Variants in AGAP1 observed in about 807,000 individuals in gnomAD.
The protein encoded by AGAP1 is ArfGAP with GTPase domain, ankyrin repeat and PH domain 1.
AGAP1 carries 29 observed loss-of-function variants against 105.3 expected under a neutral mutation model. That is an observed-to-expected ratio of 0.28 (90% CI 0.21 to 0.38). The LOEUF is 0.38. Ranked by LOEUF, AGAP1 falls within the 10% of genes least tolerant of loss-of-function variation. The pLI is 1.00. For missense variants in AGAP1, 998 were observed against 1,165.1 expected (o/e 0.86, Z 2.09); for synonymous variants, 509 against 485.9 (o/e 1.05, Z -0.63).
In AGAP1 at chr2:236,120,410, G is replaced by T. The variant is rs768800981; in HGVS notation, c.2333G>T (p.Arg778Leu). 1.2e-6 allele frequency: 2 copies of T among 1,611,384 alleles called. No individual in the cohort carries two copies. Among genetic ancestry groups the T allele is most frequent in the African/African-American group, 2.7e-5 (2 of 74,896 alleles). Residue 778 changes from arginine (R) to leucine (L), a missense_variant, in exon 17 of 18, where the codon CGC becomes CTC. Coordinates refer to ENST00000304032, the MANE Select transcript of AGAP1 (RefSeq NM_001037131.3). This position sits in a 1 kb window ranked among gnomAD's most constrained non-coding sequence, Gnocchi z 6.0. ...CGCACGGCGCTGCATCTGGCCTGCCGCAAGGGGAATGTGGTCCTGGCGCAG... is the reference window on the plus strand; with the variant it reads ...CGCACGGCGCTGCATCTGGCCTGCCTCAAGGGGAATGTGGTCCTGGCGCAG... ...DGRTALHLAC[R>L]KGNVVLAQLL...
intron 1 of AGAP1, among the ~76,000 whole-genome samples, chr2:235,584,534 G>A (rs999262843): frequency 5.3e-5 from 8 of 150,356 alleles, no homozygotes; most frequent in African/African-American, 2.0e-4. Flanking sequence ...GGTTGTGACA[G>A]CAACACGCAG....
At chr2:235,594,481 G>A (rs1945452916) in intron 1 of AGAP1, among the ~76,000 whole-genome samples, 1 of 151,908 alleles carries the variant, frequency 6.6e-6, no homozygotes, top group Non-Finnish European at 1.5e-5. Flanking sequence ...TTCCTCTGAT[G>A]GGTAGAGCAT....
In AGAP1 at chr2:235,620,868, C is replaced by T. The variant is rs115100323; in HGVS notation, c.164-88311C>T. On this transcript the variant is annotated intron_variant, in intron 1 of 17. Coordinates refer to ENST00000304032, the MANE Select transcript of AGAP1 (RefSeq NM_001037131.3). This position sits in a 1 kb window ranked among gnomAD's most constrained non-coding sequence, Gnocchi z 4.5. ...GTTGTGGGAAGTAATTCCTGAATTGCAGCCCTACAGCTTTTATTGGTGACA... is the reference window on the plus strand; with the variant it reads ...GTTGTGGGAAGTAATTCCTGAATTGTAGCCCTACAGCTTTTATTGGTGACA... 4.9e-4 allele frequency among the ~76,000 whole-genome samples: 74 copies of T among 152,302 alleles called. No individual in the cohort carries two copies. The highest frequency in any genetic ancestry group is 3.4e-3 in the Middle Eastern group (1 of 294).
At position 236,095,319 on chromosome 2, in the gene AGAP1, C is replaced by T. The variant is rs2059166120; in HGVS notation, c.2115-24873C>T. Among the ~76,000 whole-genome samples the T allele has an allele frequency of 6.6e-6, 1 of 152,064 alleles. No homozygotes were observed. The highest frequency in any genetic ancestry group is 2.4e-5 in the African/African-American group (1 of 41,392). ...GGCTGAGGTGGGAGGATCACTGGAG[C>T]CCAGGAAGTCAAGGCTGCAGTGAGC... is the stretch of plus-strand genomic sequence containing the variant. On this transcript the variant is annotated intron_variant, in intron 16 of 17. Transcript: ENST00000304032. The surrounding 1 kb of genome is among the most constrained non-coding windows in gnomAD (Gnocchi z 4.1).
chr2:235,882,078 T>G lies in AGAP1; in HGVS notation c.1051-1267T>G, dbSNP rs1470847137. 1.3e-5 allele frequency among the ~76,000 whole-genome samples: 2 copies of G among 152,042 alleles called. No homozygotes were observed. The highest frequency in any genetic ancestry group is 6.6e-5 in the Admixed American group (1 of 15,248). ...TTTTGTTTTGTTTTGTTTTGGTGGG[T>G]TTTTTTGTGTTTGGTTGTTTTTGTT... is the stretch of plus-strand genomic sequence containing the variant. On this transcript the variant is annotated intron_variant, in intron 9 of 17. Transcript: ENST00000304032. The surrounding 1 kb of genome is among the most constrained non-coding windows in gnomAD (Gnocchi z 4.6).
chr2:235,535,372 G>C lies in AGAP1; in HGVS notation c.163+40523G>C. On this transcript the variant is annotated intron_variant, in intron 1 of 17. Coordinates refer to ENST00000304032, the MANE Select transcript of AGAP1 (RefSeq NM_001037131.3). The surrounding 1 kb of genome is among the most constrained non-coding windows in gnomAD (Gnocchi z 5.1). ...AGCAAGTTTATTGAAGAGGGTGTGA[G>C]GTCGCGGCGCCTGACCCTCATTATG... Among the ~76,000 whole-genome samples the C allele has an allele frequency of 6.6e-6, 1 of 152,122 alleles. No homozygotes were observed. The highest frequency in any genetic ancestry group is 6.5e-5 in the Admixed American group (1 of 15,272).
Position 235,559,802 on chromosome 2 carries a change from A to C in AGAP1, c.163+64953A>C, listed in dbSNP as rs1944089660. ...TTATATATTTGTATATCTTAGGAGA[A>C]ATACCTATTCAAATCTTTTGACTGT... On this transcript the variant is annotated intron_variant, in intron 1 of 17. Coordinates refer to ENST00000304032, the MANE Select transcript of AGAP1 (RefSeq NM_001037131.3). This position sits in a 1 kb window ranked among gnomAD's most constrained non-coding sequence, Gnocchi z 5.7. Among the ~76,000 whole-genome samples, 1 of 152,072 alleles carries C rather than the reference A, an allele frequency of 6.6e-6. No individual in the cohort carries two copies. Among genetic ancestry groups the C allele is most frequent in the Non-Finnish European group, 1.5e-5 (1 of 68,024 alleles).
chr2:235,672,963 T>G (rs948193919), intron 1 of AGAP1, among the ~76,000 whole-genome samples: 2 of 152,170 alleles, frequency 1.3e-5, no homozygotes, highest in African/African-American at 4.8e-5. Flanking sequence ...GTCTGAGACA[T>G]GATATTACCA....
intron 1 of AGAP1, among the ~76,000 whole-genome samples, chr2:235,538,888 T>G: frequency 6.6e-6 from 1 of 150,604 alleles, no homozygotes; most frequent in East Asian, 2.0e-4. Context: ...GAAAAAGGAT[T>G]TTTGAACCTG....
At chr2:235,812,030 C>T (rs915891960) in intron 9 of AGAP1, among the ~76,000 whole-genome samples, 11 of 152,132 alleles carry the variant, frequency 7.2e-5, no homozygotes, top group African/African-American at 1.7e-4. Flanking sequence ...CACTCTGGTC[C>T]GTCCTCTGCG....
At position 236,128,190 on chromosome 2, in the gene AGAP1, A is replaced by T. The variant is rs1165731531; in HGVS notation, c.*4068A>T. On this transcript the variant is annotated 3_prime_UTR_variant, in exon 18 of 18. Coordinates refer to ENST00000304032, the MANE Select transcript of AGAP1 (RefSeq NM_001037131.3). The surrounding 1 kb of genome is among the most constrained non-coding windows in gnomAD (Gnocchi z 5.9). ...CCTTGCTCCCTGAGAGCCTCTCTGG[A>T]ACCTGCCCACTTTTCTCAACATGTA... The T allele has an allele frequency of 6.6e-6, 1 of 152,132 alleles. No individual in the cohort carries two copies. The highest frequency in any genetic ancestry group is 1.5e-5 in the Non-Finnish European group (1 of 68,096). 9.4% of individuals were successfully genotyped at this position (152,132 alleles called of 1,614,324 possible). A position where few individuals can be genotyped will look rare whatever the true frequency, so the allele number is the denominator to read the frequency against.
At position 235,741,066 on chromosome 2, in the gene AGAP1, C is replaced by A; in HGVS notation, c.396+18C>A. On this transcript the variant is annotated intron_variant, in intron 4 of 17. Transcript: ENST00000304032. The surrounding 1 kb of genome is among the most constrained non-coding windows in gnomAD (Gnocchi z 4.9). ...AGGCGCAGGTGAGTATACATGCATGCCCCAAGCCTGCTTTTTTTCCCTTTG... is the reference window on the plus strand; with the variant it reads ...AGGCGCAGGTGAGTATACATGCATGACCCAAGCCTGCTTTTTTTCCCTTTG... The A allele has an allele frequency of 6.4e-7, 1 of 1,557,536 alleles. No homozygotes were observed. The highest frequency in any genetic ancestry group is 1.2e-5 in the South Asian group (1 of 82,662).
chr2:235,939,657 T>C (rs923954364), intron 12 of AGAP1, among the ~76,000 whole-genome samples: 3 of 152,064 alleles, frequency 2.0e-5, no homozygotes, highest in African/African-American at 7.2e-5. Flanking sequence ...ACTGCTCTCA[T>C]CCACTTCAGT....
Position 236,058,982 on chromosome 2 carries a change from A to G in AGAP1, c.2114+9701A>G, listed in dbSNP as rs1213297125. On this transcript the variant is annotated intron_variant, in intron 16 of 17. Transcript: ENST00000304032. The surrounding 1 kb of genome is among the most constrained non-coding windows in gnomAD (Gnocchi z 4.6). ...GATTTCAAGGCTGCAGTGGGCCACA[A>G]TCGCACCACCACTTTCCAGCCTGGG... 2.0e-5 allele frequency among the ~76,000 whole-genome samples: 3 copies of G among 152,138 alleles called. No individual in the cohort carries two copies. Among genetic ancestry groups the G allele is most frequent in the South Asian group, 2.1e-4 (1 of 4,830 alleles).
At chr2:235,999,955 T>C (rs2056042286) in intron 13 of AGAP1, among the ~76,000 whole-genome samples, 1 of 152,100 alleles carries the variant, frequency 6.6e-6, no homozygotes, top group Non-Finnish European at 1.5e-5. Context: ...AGTTTTATAG[T>C]CATGAGTTCC....
In AGAP1 at chr2:236,101,987, A is replaced by C. The variant is rs2059357668; in HGVS notation, c.2115-18205A>C. ...AATGAAGTCACAAACTTCCCTTATA[A>C]AACTTCCTTTGAGGCTGGGCCCGGT... On this transcript the variant is annotated intron_variant, in intron 16 of 17. Transcript: ENST00000304032. The surrounding 1 kb of genome is among the most constrained non-coding windows in gnomAD (Gnocchi z 4.9). Among the ~76,000 whole-genome samples, 1 of 152,182 alleles carries C rather than the reference A, an allele frequency of 6.6e-6. No individual in the cohort carries two copies. Among genetic ancestry groups the C allele is most frequent in the African/African-American group, 2.4e-5 (1 of 41,438 alleles).
intron 1 of AGAP1, among the ~76,000 whole-genome samples, chr2:235,667,895 G>A (rs1948177497): frequency 6.8e-6 from 1 of 147,766 alleles, no homozygotes; most frequent in Admixed American, 6.9e-5. Context: ...GGAGGTGGAG[G>A]TTGCAGGAGC....
intron 16 of AGAP1, among the ~76,000 whole-genome samples, chr2:236,057,681 A>G (rs76896202): frequency 0.013 from 2,047 of 152,318 alleles, 50 homozygotes; most frequent in African/African-American, 0.047. Context: ...GCATGGTACA[A>G]TATGGAGCCA....
At chr2:235,583,236 C>T (rs149224829) in intron 1 of AGAP1, among the ~76,000 whole-genome samples, 8 of 152,098 alleles carry the variant, frequency 5.3e-5, no homozygotes, top group East Asian at 3.9e-4. Flanking sequence ...ACTCTGTTAC[C>T]CAGGCCAGAG....
Sources: allele counts gnomAD v4.1 joint callset (sites outside exome capture counted in the v4.1 genomes callset), GRCh38; gene constraint gnomAD v4.1.1; non-coding constraint Gnocchi (gnomAD v3.1); transcripts MANE v1.5; gene names NCBI Gene and HGNC (gene_info 2026-07-23, HGNC 2026-07-21).